Variants in LRP5 observed in about 807,000 individuals in gnomAD.
LRP5 encodes the protein LDL receptor related protein 5.
LRP5 carries 62 observed loss-of-function variants against 154.1 expected under a neutral mutation model. That is an observed-to-expected ratio of 0.40 (90% CI 0.33 to 0.50). The LOEUF (loss-of-function observed/expected upper bound fraction) is 0.50. Ranked by LOEUF, LRP5 falls within the 20% of genes least tolerant of loss-of-function variation. The pLI, the probability that LRP5 is intolerant of heterozygous loss-of-function variation, is 0.55. For synonymous variants in LRP5, 966 were observed against 1,011.5 expected (o/e 0.96, Z 0.85); for missense variants, 1,915 against 2,336.7 (o/e 0.82, Z 3.72).
chr11:68,403,460 C>A, intron 7 of LRP5, 23 bp from the exon 8 acceptor site: 2 of 1,609,252 alleles, frequency 1.2e-6, no homozygotes, highest in South Asian at 1.1e-5. Context: ...CCCATCCAGA[C>A]CTATATTTCT....
At chr11:68,330,893 G>T (rs2098602379) in intron 1 of LRP5, among the ~76,000 whole-genome samples, 1 of 152,254 alleles carries the variant, frequency 6.6e-6, no homozygotes, top group African/African-American at 2.4e-5. Context: ...ATCTCCACCG[G>T]TCCAGGATTC....
At chr11:68,314,443 A>G (rs2098591439) in intron 1 of LRP5, among the ~76,000 whole-genome samples, 1 of 152,170 alleles carries the variant, frequency 6.6e-6, no homozygotes. Flanking sequence ...AAATGGAAGG[A>G]AAGGGAGGAA....
chr11:68,329,221 A>G (rs976902755), intron 1 of LRP5, among the ~76,000 whole-genome samples: 2 of 152,220 alleles, frequency 1.3e-5, no homozygotes, highest in African/African-American at 2.4e-5. Flanking sequence ...TAGAACACCC[A>G]AGATATAAAA....
chr11:68,404,464 C>G, intron 8 of LRP5: 2 of 494,786 alleles, frequency 4.0e-6, no homozygotes, highest in Non-Finnish European at 8.0e-6. Context: ...GATGTGATGT[C>G]AGATCCCCGG....
intron 6 of LRP5, 100 bp from the exon 7 acceptor site, chr11:68,389,781 T>G: frequency 8.3e-7 from 1 of 1,204,574 alleles, no homozygotes; most frequent in South Asian, 1.2e-5. Context: ...TTTAGCCATG[T>G]GATGGGGGCC....
chr11:68,396,398 G>A (rs1214735896), intron 7 of LRP5, among the ~76,000 whole-genome samples: 1 of 152,182 alleles, frequency 6.6e-6, no homozygotes, highest in Non-Finnish European at 1.5e-5. Context: ...GCGCAGCTGG[G>A]CTGTGTGGAG....
chr11:68,354,618 T>C (rs757068211), intron 2 of LRP5, among the ~76,000 whole-genome samples: 1 of 152,208 alleles, frequency 6.6e-6, no homozygotes, highest in South Asian at 2.1e-4. Context: ...TGCCAGCACC[T>C]TGGAGTCCCA....
rs534215337 is a variant in LRP5 at position 68,366,198 on chromosome 11, G to C, written c.1015+496G>C. Among the ~76,000 whole-genome samples, 13 of 152,306 alleles carry C rather than the reference G, an allele frequency of 8.5e-5. No homozygotes were observed. In the East Asian group the frequency reaches 1.7e-3, roughly 20 times the overall value. On this transcript the variant is annotated intron_variant, in intron 5 of 22. Transcript: ENST00000294304. ...GGCAAGCGAGGGGGTAACGAGAGGT[G>C]TCAGGAAAGCGCCATCCCTGGGACC...
rs1184757852 is a variant in LRP5, at chr11:68,374,377, G to A, written c.1015+8675G>A. Among the ~76,000 whole-genome samples, 12 of 152,348 alleles carry A rather than the reference G, an allele frequency of 7.9e-5. No homozygotes were observed. The South Asian group carries it at 8.3e-4, about 11-fold the overall frequency. ...GAGGTCCTGTGGGGCCGAGTCTGCCGCGGCCGGGCAGTGATTGGCGTTGAC... is the reference window on the plus strand; with the variant it reads ...GAGGTCCTGTGGGGCCGAGTCTGCCACGGCCGGGCAGTGATTGGCGTTGAC... On this transcript the variant is annotated intron_variant, in intron 5 of 22. Transcript: ENST00000294304.
intron 5 of LRP5, among the ~76,000 whole-genome samples, chr11:68,366,736 G>C (rs920073284): frequency 3.9e-5 from 6 of 152,170 alleles, no homozygotes; most frequent in Non-Finnish European, 8.8e-5. Flanking sequence ...TGGTTGGAGA[G>C]CCTCCCCGAC....
At chr11:68,441,546 C>G (rs1039704435) in intron 21 of LRP5, among the ~76,000 whole-genome samples, 1 of 152,208 alleles carries the variant, frequency 6.6e-6, no homozygotes, top group Admixed American at 6.5e-5. Flanking sequence ...AGAGTTTAAA[C>G]ACCCACTGCC....
chr11:68,406,665 T>G lies in LRP5; in HGVS notation c.1943T>G (p.Val648Gly). Reference sequence around the variant, plus strand: ...TGCATCGTGCCTGAGGCCTTCTTGGTCTTCACCAGCAGAGCCGCCATCCAC... The same window carrying G: ...TGCATCGTGCCTGAGGCCTTCTTGGGCTTCACCAGCAGAGCCGCCATCCAC... Reference protein sequence around the residue: ...KTCIVPEAFLVFTSRAAIHRI... With the variant: ...KTCIVPEAFLGFTSRAAIHRI... The change falls in exon 9 of 23, where the codon GTC (valine) becomes GGC (glycine). Residue 648 changes from valine (V) to glycine (G), a missense_variant. Physicochemically the swap from Val to Gly is moderately radical, Grantham distance 109. Coordinates refer to ENST00000294304, the MANE Select transcript of LRP5 (RefSeq NM_002335.4). 6.2e-7 allele frequency: 1 copy of G among 1,614,112 alleles called. No individual in the cohort carries two copies. Among genetic ancestry groups the G allele is most frequent in the Non-Finnish European group, 8.5e-7 (1 of 1,180,028 alleles).
chr11:68,323,076 A>G (rs1332821500), intron 1 of LRP5, among the ~76,000 whole-genome samples: 1 of 152,230 alleles, frequency 6.6e-6, no homozygotes, highest in African/African-American at 2.4e-5. Context: ...TGGAATAATA[A>G]ATGTTTATAT....
Position 68,439,912 on chromosome 11 carries a change from C to T in LRP5, c.4484C>T (p.Pro1495Leu), listed in dbSNP as rs752755797. ...TCCAGCACGAAGGCCACGCTGTACC[C>T]GCCGGTGAGGGGCGGGGCCGGGGAG... ...SSSSTKATLY[P>L]PILNPPPSPA... Residue 1495 changes from proline (P) to leucine (L), a missense_variant, in exon 21 of 23, where the codon CCG (proline) becomes CTG (leucine). Pro to Leu is a moderately conservative substitution (Grantham distance 98). Around this residue, in one of 3 missense-constraint regions of LRP5, gnomAD observed 1,094 missense variants for 1,210.1 expected, o/e 0.90. Coordinates refer to ENST00000294304, the MANE Select transcript of LRP5 (RefSeq NM_002335.4). 41 of 1,537,358 alleles carry T rather than the reference C, an allele frequency of 2.7e-5. No individual in the cohort carries two copies. The highest frequency in any genetic ancestry group is 6.8e-5 in the African/African-American group (5 of 73,400).
intron 5 of LRP5, among the ~76,000 whole-genome samples, chr11:68,371,439 A>G (rs2153143647): frequency 1.3e-5 from 2 of 152,312 alleles, no homozygotes; most frequent in Middle Eastern, 6.8e-3. Context: ...AAAGCAGACC[A>G]CGCGGCAGCC....
intron 16 of LRP5, among the ~76,000 whole-genome samples, chr11:68,429,179 G>A (rs1022416606): frequency 7.3e-5 from 11 of 150,472 alleles, no homozygotes; most frequent in African/African-American, 2.0e-4. Context: ...TTCGACCCAC[G>A]GAGATCAAGG....
At chr11:68,416,306 G>T (rs769645391) in intron 12 of LRP5, 22 bp from the exon 13 acceptor site, 4 of 1,610,442 alleles carry the variant, frequency 2.5e-6, no homozygotes, top group Admixed American at 1.7e-5. Flanking sequence ...CCCACCTGCA[G>T]CCCTGTCTTT....
intron 1 of LRP5, among the ~76,000 whole-genome samples, chr11:68,337,969 A>G (rs7931754): frequency 0.1 from 15,535 of 152,156 alleles, 1,234 homozygotes; most frequent in African/African-American, 0.22. Flanking sequence ...GGCTCCAGGC[A>G]TTACCTGTCC....
At position 68,423,692 on chromosome 11, in the gene LRP5, G is replaced by C. The variant is rs755040631; in HGVS notation, c.3231G>C (p.Glu1077Asp). ...CCAGGGCCATCGTCGTCAACGCGGA[G>C]CGAGGGTAGGAGGCCAACGGGTGGG... ...DKPRAIVVNA[E>D]RGYLYFTNMQ... is the part of the protein sequence containing the mutation. The change falls in exon 14 of 23, where the codon GAG becomes GAC. Residue 1077 changes from glutamate (E) to aspartate (D), a missense_variant. Around this residue, in one of 3 missense-constraint regions of LRP5, gnomAD observed 1,094 missense variants for 1,210.1 expected, o/e 0.90. Coordinates refer to ENST00000294304, the MANE Select transcript of LRP5 (RefSeq NM_002335.4). The surrounding 1 kb of genome is among the most constrained non-coding windows in gnomAD (Gnocchi z 4.7). 3.7e-6 allele frequency: 6 copies of C among 1,609,608 alleles called. No individual in the cohort carries two copies. The African/African-American group carries it at 8.0e-5, about 22-fold the overall frequency.
Sources: allele counts gnomAD v4.1 joint callset (sites outside exome capture counted in the v4.1 genomes callset), GRCh38; gene constraint gnomAD v4.1.1; regional missense constraint gnomAD v4.1.1; non-coding constraint Gnocchi (gnomAD v3.1); transcripts MANE v1.5; gene names NCBI Gene and HGNC (gene_info 2026-07-23, HGNC 2026-07-21).